The following CACNA2D4 variants were observed in gnomAD, a reference collection of about 807,000 sequenced individuals.
CACNA2D4 encodes voltage-dependent calcium channel subunit alpha-2/delta-4.
A neutral mutation model predicts 163.8 loss-of-function variants in CACNA2D4; 157 were observed. The ratio of observed to expected loss-of-function variants is 0.96; its 90% CI spans 0.84 to 1.09. CACNA2D4 has a LOEUF of 1.09. Among genes scored for constraint, CACNA2D4 ranks in the 50% least tolerant of loss-of-function variants. CACNA2D4 has a pLI of 0.00. For synonymous variants in CACNA2D4, 598 were observed against 586.9 expected, an observed-to-expected ratio of 1.02 and a Z score of -0.27; for missense variants, 1,410 against 1,479.9, an observed-to-expected ratio of 0.95 and a Z score of 0.78.
chr12:1,858,782 C>G lies in CACNA2D4; in HGVS notation c.1941-138G>C, dbSNP rs1056800392. ...ACGAGTGGTGTGCTCCTCATGCCCCCTTCTTTACCTCTGGCCTCACAGCCA... is the reference window on the plus strand; with the variant it reads ...ACGAGTGGTGTGCTCCTCATGCCCCGTTCTTTACCTCTGGCCTCACAGCCA... On this transcript the variant is annotated intron_variant, in intron 19 of 37. Coordinates refer to ENST00000382722, the MANE Select transcript of CACNA2D4 (RefSeq NM_172364.5). 1.8e-4 allele frequency: 94 copies of G among 513,122 alleles called. 2 individuals carry two copies. The highest frequency in any genetic ancestry group is 5.7e-5 in the Non-Finnish European group (17 of 300,180). The allele number at this position is 513,122 out of a possible 1,614,324, so 31.8% of individuals were successfully genotyped here.
At chr12:1,840,298 C>T (rs1864986182) in intron 26 of CACNA2D4, among the ~76,000 whole-genome samples, 1 of 151,288 alleles carries the variant, frequency 6.6e-6, no homozygotes, top group South Asian at 2.1e-4. Context: ...GCCAGCCTTT[C>T]TTTCAGCTAC....
intron 20 of CACNA2D4, among the ~76,000 whole-genome samples, 186 bp downstream of exon 20, chr12:1,858,391 A>G (rs1014758302): frequency 3.9e-5 from 6 of 152,130 alleles, no homozygotes; most frequent in African/African-American, 1.2e-4. Context: ...CAGATCCTGC[A>G]TGCCCTGGGA....
intron 29 of CACNA2D4, chr12:1,809,386 C>T (rs1863636835): frequency 1.6e-6 from 1 of 619,800 alleles, no homozygotes; most frequent in South Asian, 1.9e-5. Flanking sequence ...AAGTCGCTTG[C>T]CCACATCACG....
intron 18 of CACNA2D4, among the ~76,000 whole-genome samples, chr12:1,863,792 C>T (rs1158462701): frequency 6.6e-6 from 1 of 152,064 alleles, no homozygotes; most frequent in Non-Finnish European, 1.5e-5. Context: ...GTACAACCAT[C>T]CCAAGCCACA....
intron 26 of CACNA2D4, among the ~76,000 whole-genome samples, chr12:1,817,415 G>T (rs901196805): frequency 6.6e-6 from 1 of 152,074 alleles, no homozygotes; most frequent in Non-Finnish European, 1.5e-5. Context: ...CGGAACAGGT[G>T]AGGCCAGTCC....
chr12:1,916,088 T>A (rs900764766), intron 1 of CACNA2D4, among the ~76,000 whole-genome samples: 1 of 152,084 alleles, frequency 6.6e-6, no homozygotes, highest in South Asian at 2.1e-4. Context: ...GGGAGAGGAT[T>A]CTAGGTCGGG....
intron 29 of CACNA2D4, among the ~76,000 whole-genome samples, chr12:1,803,487 A>T (rs1863408317): frequency 6.6e-6 from 1 of 152,258 alleles, no homozygotes; most frequent in African/African-American, 2.4e-5. Context: ...TTGGACTTAA[A>T]TAACAAAACA....
intron 6 of CACNA2D4, among the ~76,000 whole-genome samples, chr12:1,902,286 C>A (rs1031161592): frequency 9.2e-5 from 14 of 152,050 alleles, no homozygotes; most frequent in African/African-American, 3.1e-4. Flanking sequence ...GAAAGCCTTT[C>A]CTCTAAGATC....
Position 1,834,549 on chromosome 12 carries a change from C to T in CACNA2D4, c.2551+6190G>A, listed in dbSNP as rs1379718570. The T allele has an allele frequency of 1.2e-6, 2 of 1,603,750 alleles. No individual in the cohort carries two copies. Among genetic ancestry groups the T allele is most frequent in the Non-Finnish European group, 1.7e-6 (2 of 1,179,924 alleles). ...CGAGCCATGGGCACGGTGATCATTGCAGGGGTCGTGTGCGGCGTCGTCTGC... is the reference window on the plus strand; with the variant it reads ...CGAGCCATGGGCACGGTGATCATTGTAGGGGTCGTGTGCGGCGTCGTCTGC... On this transcript the variant is annotated intron_variant, in intron 26 of 37. Transcript: ENST00000382722. The surrounding 1 kb of genome is among the most constrained non-coding windows in gnomAD (Gnocchi z 7.6).
chr12:1,793,621 C>T lies in CACNA2D4; in HGVS notation c.*34G>A, dbSNP rs1234951022. ...CTTTTTGGGATGGCTCTGGAAGGAT[C>T]ACCTTGCCAAAACACAGGTCAGGCT... is the stretch of plus-strand genomic sequence containing the variant. On this transcript the variant is annotated 3_prime_UTR_variant, in exon 38 of 38. Coordinates refer to ENST00000382722, the MANE Select transcript of CACNA2D4 (RefSeq NM_172364.5). 6.3e-7 allele frequency: 1 copy of T among 1,581,564 alleles called. No homozygotes were observed. The highest frequency in any genetic ancestry group is 8.7e-7 in the Non-Finnish European group (1 of 1,150,526).
chr12:1,823,118 G>A (rs1864175937), intron 26 of CACNA2D4: 1 of 152,442 alleles, frequency 6.6e-6, no homozygotes. Context: ...AGATGCCAGG[G>A]GAGTGGGCAC....
intron 14 of CACNA2D4, 93 bp from the exon 15 acceptor site, chr12:1,879,129 A>C: frequency 1.0e-6 from 1 of 960,914 alleles, no homozygotes; most frequent in African/African-American, 1.6e-5. Context: ...CTGGAAGAGG[A>C]AGCCACTTAG....
chr12:1,875,498 T>G lies in CACNA2D4; in HGVS notation c.1720-161A>C, dbSNP rs1202528402. On this transcript the variant is annotated intron_variant, in intron 16 of 37. Coordinates refer to ENST00000382722, the MANE Select transcript of CACNA2D4 (RefSeq NM_172364.5). This position sits in a 1 kb window ranked among gnomAD's most constrained non-coding sequence, Gnocchi z 4.0. ...TAAGGTTATCTGGGCAAATTCCACC[T>G]GATACAGAGCTCCCCTTACTGACAT... is the stretch of plus-strand genomic sequence containing the variant. Among the ~76,000 whole-genome samples, 1 of 152,200 alleles carries G rather than the reference T, an allele frequency of 6.6e-6. No individual in the cohort carries two copies. The highest frequency in any genetic ancestry group is 1.5e-5 in the Non-Finnish European group (1 of 68,024).
At position 1,883,598 on chromosome 12, in the gene CACNA2D4, C is replaced by T. The variant is rs368308091; in HGVS notation, c.1352-598G>A. On this transcript the variant is annotated intron_variant, in intron 12 of 37. Transcript: ENST00000382722. This position sits in a 1 kb window ranked among gnomAD's most constrained non-coding sequence, Gnocchi z 4.5. ...CCCCCTCGCCAGTGAGATGCAGCAC[C>T]TCTCTGCTCCCAGCAGGTCTCAGAC... Among the ~76,000 whole-genome samples, 180 of 152,302 alleles carry T rather than the reference C, an allele frequency of 1.2e-3. No individual in the cohort carries two copies. The highest frequency in any genetic ancestry group is 4.1e-3 in the African/African-American group (172 of 41,560).
rs751635362 is a variant in CACNA2D4, at chr12:1,907,464, T to C, written c.757A>G (p.Thr253Ala). 13 of 1,613,808 alleles carry C rather than the reference T, an allele frequency of 8.1e-6. No individual in the cohort carries two copies. The East Asian group carries it at 2.7e-4, about 33-fold the overall frequency. ...TLTWQYFGSATGFFRIYPGIK... is the reference protein window; with the variant it reads ...TLTWQYFGSAAGFFRIYPGIK... ...CCTGGATAGATCCTGAAGAATCCAG[T>C]TGCACTGCCAAAATATTGCCAGGTC... The change falls in exon 6 of 38, where the codon ACT (threonine) becomes GCT (alanine). Residue 253 changes from threonine to alanine, a missense_variant. Coordinates refer to ENST00000382722, the MANE Select transcript of CACNA2D4 (RefSeq NM_172364.5).
chr12:1,884,351 A>G (rs1218065895), intron 11 of CACNA2D4, 30 bp from the exon 12 acceptor site: 1 of 1,577,740 alleles, frequency 6.3e-7, no homozygotes, highest in Non-Finnish European at 8.7e-7. Flanking sequence ...GGCACTCAGC[A>G]GCAAAATTCC....
In CACNA2D4 at chr12:1,840,274, A is replaced by T. The variant is rs968820566; in HGVS notation, c.2551+465T>A. Among the ~76,000 whole-genome samples, 14 of 151,982 alleles carry T rather than the reference A, an allele frequency of 9.2e-5. 1 individual carries two copies. ...GATGATTGATAAAAGACCTAGAATA[A>T]AAGAGCTCTGCCCGCCAGCCTTTCT... is the stretch of plus-strand genomic sequence containing the variant. On this transcript the variant is annotated intron_variant, in intron 26 of 37. Transcript: ENST00000382722.
intron 25 of CACNA2D4, 100 bp from the exon 26 acceptor site, chr12:1,840,919 C>G (rs751127965): frequency 9.8e-7 from 1 of 1,017,604 alleles, no homozygotes; most frequent in Non-Finnish European, 1.5e-6. Flanking sequence ...TAAAAGCAGG[C>G]GAAGGCATCC....
At chr12:1,879,264 A>G (rs1441382895) in intron 14 of CACNA2D4, among the ~76,000 whole-genome samples, 2 of 152,212 alleles carry the variant, frequency 1.3e-5, no homozygotes, top group African/African-American at 4.8e-5. Flanking sequence ...TTAATATTTA[A>G]GTTGTAATAT....
Sources: gnomAD v4.1 joint callset for allele counts (sites outside exome capture counted in the v4.1 genomes callset) on GRCh38, gnomAD v4.1.1 for gene constraint, Gnocchi (gnomAD v3.1) non-coding constraint, MANE v1.5 for transcripts, NCBI Gene and HGNC (gene_info 2026-07-23, HGNC 2026-07-21) for gene names.